The following UBE2J1 variants were observed in gnomAD, a reference collection of about 807,000 sequenced individuals.
The protein encoded by UBE2J1 is ubiquitin conjugating enzyme E2 J1.
A neutral mutation model predicts 42.1 loss-of-function variants in UBE2J1; 17 were observed. The observed-to-expected ratio is 0.40, with a 90% confidence interval of 0.28 to 0.61. UBE2J1 has a LOEUF of 0.61. Ranked by LOEUF, UBE2J1 falls within the 20% of genes least tolerant of loss-of-function variation. The pLI, the probability that UBE2J1 is intolerant of heterozygous loss-of-function variation, is 0.38. For synonymous variants in UBE2J1, 127 were observed against 137.2 expected (o/e 0.93, Z 0.52); for missense variants, 291 against 389.4 (o/e 0.75, Z 2.13).
At chr6:89,336,856 T>C (rs1383517535) in intron 5 of UBE2J1, among the ~76,000 whole-genome samples, 2 of 152,016 alleles carry the variant, frequency 1.3e-5, no homozygotes, top group African/African-American at 4.8e-5. Context: ...TTTTTTTTTT[T>C]TGAGACAAGG....
In UBE2J1 at chr6:89,335,374, A is replaced by T. The variant is rs1244114361; in HGVS notation, c.486T>A (p.Pro162=). 19 of 1,608,680 alleles carry T rather than the reference A, an allele frequency of 1.2e-5. No homozygotes were observed. Among genetic ancestry groups the T allele is most frequent in the Non-Finnish European group, 1.6e-5 (19 of 1,176,604 alleles). The change falls in exon 6 of 8, where the codon CCT becomes CCA. Residue 162 remains proline (P), a synonymous_variant. Transcript: ENST00000435041. ...CGSAMKDVLL[P]LKSGSDSSQA... is the part of the protein sequence containing the mutation. ...GGCTTGAATCGCTTCCAGATTTTAA[A>T]GGCAACAGGACATCCTTCATGGCAG...
intron 1 of UBE2J1, among the ~76,000 whole-genome samples, chr6:89,348,440 A>G (rs1768404319): frequency 6.6e-6 from 1 of 152,218 alleles, no homozygotes; most frequent in Non-Finnish European, 1.5e-5. Flanking sequence ...CCTCTTCAAA[A>G]GCAATTATCT....
At chr6:89,342,569 T>C in intron 2 of UBE2J1, 114 bp from the exon 3 acceptor site, 1 of 975,764 alleles carries the variant, frequency 1.0e-6, no homozygotes, top group Non-Finnish European at 1.5e-6. Flanking sequence ...ATATTATTGC[T>C]AGTATAGTTT....
intron 1 of UBE2J1, among the ~76,000 whole-genome samples, chr6:89,348,160 T>C (rs1420948904): frequency 1.3e-5 from 2 of 152,204 alleles, no homozygotes; most frequent in African/African-American, 4.8e-5. Flanking sequence ...GCTCCTCTCC[T>C]ATCTCTTGGA....
intron 6 of UBE2J1, among the ~76,000 whole-genome samples, chr6:89,333,969 CT>C (rs1191030134): frequency 6.6e-6 from 1 of 152,008 alleles, no homozygotes; most frequent in Non-Finnish European, 1.5e-5. Flanking sequence ...GGATTAAATA[CT>C]TAATACTTTA....
At chr6:89,333,008 A>G in intron 7 of UBE2J1, 78 bp downstream of exon 7, 1 of 1,342,988 alleles carries the variant, frequency 7.4e-7, no homozygotes, top group South Asian at 1.9e-5. Context: ...CAGATATTTG[A>G]TCCAGGATCT....
Position 89,327,075 on chromosome 6 carries a change from T to A in UBE2J1, c.*2604A>T, listed in dbSNP as rs1767923554. ...GTTGAGAATCTTGAAATTCATTTTT[T>A]TCAGTAGAATAAAACAATAAGCAGC... is the stretch of plus-strand genomic sequence containing the variant. On this transcript the variant is annotated 3_prime_UTR_variant, in exon 8 of 8. Coordinates refer to ENST00000435041, the MANE Select transcript of UBE2J1 (RefSeq NM_016021.3). 1 of 152,644 alleles carries A rather than the reference T, an allele frequency of 6.6e-6. No homozygotes were observed. The highest frequency in any genetic ancestry group is 2.4e-5 in the African/African-American group (1 of 41,464). 9.5% of individuals were successfully genotyped at this position (152,644 alleles called of 1,614,324 possible).
chr6:89,338,800 G>C (rs1000354521), intron 3 of UBE2J1, among the ~76,000 whole-genome samples: 2 of 151,128 alleles, frequency 1.3e-5, no homozygotes, highest in African/African-American at 2.4e-5. Flanking sequence ...CAAGTAGCTG[G>C]AACTACAGGC....
chr6:89,329,383 A>T lies in UBE2J1; in HGVS notation c.*296T>A. Reference sequence around the variant, plus strand: ...AAAAATTTCAAAGGGCAATATAGGAAAGTATTACAAATTTACATAAAAAGA... The same window carrying T: ...AAAAATTTCAAAGGGCAATATAGGATAGTATTACAAATTTACATAAAAAGA... On this transcript the variant is annotated 3_prime_UTR_variant, in exon 8 of 8. Coordinates refer to ENST00000435041, the MANE Select transcript of UBE2J1 (RefSeq NM_016021.3). 1 of 366,398 alleles carries T rather than the reference A, an allele frequency of 2.7e-6. No homozygotes were observed. Among genetic ancestry groups the T allele is most frequent in the Non-Finnish European group, 5.0e-6 (1 of 200,494 alleles). 22.7% of individuals were successfully genotyped at this position (366,398 alleles called of 1,614,324 possible). A position where few individuals can be genotyped will look rare whatever the true frequency, so the allele number is the denominator to read the frequency against.
At chr6:89,345,535 G>A (rs946035336) in intron 1 of UBE2J1, among the ~76,000 whole-genome samples, 3 of 152,124 alleles carry the variant, frequency 2.0e-5, no homozygotes, top group African/African-American at 7.2e-5. Context: ...CCAGGAGGTG[G>A]AGGTTGCAGT....
rs1767961587 is a variant in UBE2J1 at position 89,329,456 on chromosome 6, A to T, written c.*223T>A. 1 of 539,900 alleles carries T rather than the reference A, an allele frequency of 1.9e-6. No homozygotes were observed. The highest frequency in any genetic ancestry group is 2.5e-5 in the South Asian group (1 of 40,268). The allele number at this position is 539,900 out of a possible 1,614,324, so 33.4% of individuals were successfully genotyped here. On this transcript the variant is annotated 3_prime_UTR_variant, in exon 8 of 8. Coordinates refer to ENST00000435041, the MANE Select transcript of UBE2J1 (RefSeq NM_016021.3). Reference sequence around the variant, plus strand: ...AGTTATTTCCCTGCAAAGCAGATCAAATAGTGAGACAAGGAACTTTGACTT... The same window carrying T: ...AGTTATTTCCCTGCAAAGCAGATCATATAGTGAGACAAGGAACTTTGACTT...
At chr6:89,345,055 T>C (rs779498060) in intron 1 of UBE2J1, among the ~76,000 whole-genome samples, 1 of 152,190 alleles carries the variant, frequency 6.6e-6, no homozygotes, top group African/African-American at 2.4e-5. Context: ...AAGAGAGGTA[T>C]GCACCAGATG....
At position 89,329,947 on chromosome 6, in the gene UBE2J1, T is replaced by C; in HGVS notation, c.689A>G (p.Gln230Arg). ...GATASTSYGLQNSSAASFHQP... is the reference protein window; with the variant it reads ...GATASTSYGLRNSSAASFHQP... ...ATGAAAGGATGCTGCTGAGGAATTC[T>C]GGAGTCCGTACTAGGAAATTTTAAG... is the stretch of plus-strand genomic sequence containing the variant. The change falls in exon 8 of 8, where the codon CAG becomes CGG. Residue 230 changes from glutamine to arginine, a missense_variant. Transcript: ENST00000435041. 1.2e-6 allele frequency: 2 copies of C among 1,614,058 alleles called. No individual in the cohort carries two copies. Among genetic ancestry groups the C allele is most frequent in the South Asian group, 1.1e-5 (1 of 91,086 alleles).
intron 6 of UBE2J1, among the ~76,000 whole-genome samples, chr6:89,334,170 A>AT (rs372176210): frequency 0.01 from 1,544 of 151,320 alleles, 27 homozygotes; most frequent in African/African-American, 0.035. Flanking sequence ...TGCCGAGCTA[A>AT]TTTTTTGTAT....
In UBE2J1 at chr6:89,329,370, G is replaced by T; in HGVS notation, c.*309C>A. ...TCATCTTTTATCCAAAAATTTCAAAGGGCAATATAGGAAAGTATTACAAAT... is the reference window on the plus strand; with the variant it reads ...TCATCTTTTATCCAAAAATTTCAAATGGCAATATAGGAAAGTATTACAAAT... On this transcript the variant is annotated 3_prime_UTR_variant, in exon 8 of 8. Transcript: ENST00000435041. The T allele has an allele frequency of 3.0e-6, 1 of 332,864 alleles. No individual in the cohort carries two copies. Among genetic ancestry groups the T allele is most frequent in the South Asian group, 3.0e-5 (1 of 33,038 alleles). The allele number at this position is 332,864 out of a possible 1,614,324, so 20.6% of individuals were successfully genotyped here.
rs1305525214 is a variant in UBE2J1, at chr6:89,328,789, T to C, written c.*890A>G. ...TAGGACATGAAATATTTCAATATTA[T>C]GCATATTCCTGGAATAATTAAAATT... On this transcript the variant is annotated 3_prime_UTR_variant, in exon 8 of 8. Coordinates refer to ENST00000435041, the MANE Select transcript of UBE2J1 (RefSeq NM_016021.3). The C allele has an allele frequency of 6.6e-6, 1 of 152,216 alleles. No homozygotes were observed. The highest frequency in any genetic ancestry group is 6.5e-5 in the Admixed American group (1 of 15,284). The allele number at this position is 152,216 out of a possible 1,614,324, so 9.4% of individuals were successfully genotyped here.
chr6:89,326,681 T>C lies in UBE2J1; in HGVS notation c.*2998A>G, dbSNP rs988683415. 7 of 152,190 alleles carry C rather than the reference T, an allele frequency of 4.6e-5. No individual in the cohort carries two copies. The South Asian group carries it at 1.4e-3, about 31-fold the overall frequency. The allele number at this position is 152,190 out of a possible 1,614,324, so 9.4% of individuals were successfully genotyped here. A position where few individuals can be genotyped will look rare whatever the true frequency, so the allele number is the denominator to read the frequency against. The stretch of plus-strand genomic sequence containing the variant: ...CTCAAACTAGTTCTGAAGGCAACTG[T>C]TCAGAAGGCGTTCCCAACAGCTTTT... On this transcript the variant is annotated 3_prime_UTR_variant, in exon 8 of 8. Transcript: ENST00000435041.
Position 89,338,886 on chromosome 6 carries a change from C to G in UBE2J1, c.238-343G>C, listed in dbSNP as rs543931971. Among the ~76,000 whole-genome samples, 6 of 151,896 alleles carry G rather than the reference C, an allele frequency of 4.0e-5. No homozygotes were observed. In the South Asian group the frequency reaches 1.2e-3, roughly 32 times the overall value. ...TTCACCGTGTTAGCCAGGATGGTCTCGATATCCTGACCTTGTGATCTGCCC... is the reference window on the plus strand; with the variant it reads ...TTCACCGTGTTAGCCAGGATGGTCTGGATATCCTGACCTTGTGATCTGCCC... On this transcript the variant is annotated intron_variant, in intron 3 of 7. Transcript: ENST00000435041.
chr6:89,341,124 C>A, intron 3 of UBE2J1, among the ~76,000 whole-genome samples: 1 of 152,134 alleles, frequency 6.6e-6, no homozygotes, highest in Admixed American at 6.5e-5. Flanking sequence ...TTTGCTACTC[C>A]GTGTGGGTAA....
Sources: gnomAD v4.1 joint callset for allele counts (sites outside exome capture counted in the v4.1 genomes callset) on GRCh38, gnomAD v4.1.1 for gene constraint, MANE v1.5 for transcripts, NCBI Gene and HGNC (gene_info 2026-07-23, HGNC 2026-07-21) for gene names.